Variants in TANC2 observed in about 807,000 individuals in gnomAD.
TANC2 encodes tetratricopeptide repeat, ankyrin repeat and coiled-coil containing 2.
Under a neutral mutation model 210.5 loss-of-function variants are expected in TANC2, and 26 were observed. The observed-to-expected ratio is 0.12, with a 90% CI of 0.09 to 0.17. The LOEUF (loss-of-function observed/expected upper bound fraction) is 0.17. Ranked by LOEUF, TANC2 falls within the 10% of genes least tolerant of loss-of-function variation. The probability of loss-of-function intolerance (pLI) is 1.00; values close to 1 mark genes in which losing one functional copy is unlikely to be tolerated. For missense variants in TANC2, 2,129 were observed against 2,608.9 expected, an observed-to-expected ratio of 0.82 and a Z score of 4.01; for synonymous variants, 931 against 967.1, an observed-to-expected ratio of 0.96 and a Z score of 0.69.
At chr17:63,057,871 G>T (rs982453532) in intron 2 of TANC2, among the ~76,000 whole-genome samples, 7 of 152,130 alleles carry the variant, frequency 4.6e-5, no homozygotes, top group Admixed American at 4.6e-4. Flanking sequence ...CTTTGTTATT[G>T]TGAACAGTGC....
At chr17:63,306,881 G>C (rs942345118) in intron 9 of TANC2, among the ~76,000 whole-genome samples, 1 of 152,140 alleles carries the variant, frequency 6.6e-6, no homozygotes. Flanking sequence ...TTGAGCCCAG[G>C]AATTTGAGGC....
intron 18 of TANC2, chr17:63,396,344 A>G (rs1359983764): frequency 5.9e-6 from 1 of 170,584 alleles, no homozygotes; most frequent in East Asian, 1.6e-4. Context: ...CCCTTGAACA[A>G]TTTACCTATC....
chr17:63,333,748 AT>A (rs1357811483), intron 11 of TANC2, among the ~76,000 whole-genome samples: 3 of 152,094 alleles, frequency 2.0e-5, no homozygotes, highest in Non-Finnish European at 4.4e-5. Flanking sequence ...AGCAAACTTT[AT>A]TGTCTTATTT....
At position 62,966,909 on chromosome 17, in the gene TANC2, C is replaced by T. The variant is rs908276053; in HGVS notation, c.-24+160C>T. On this transcript the variant is annotated intron_variant, in intron 1 of 27. Coordinates refer to ENST00000689528, the Ensembl canonical transcript of TANC2. The surrounding 1 kb of genome is among the most constrained non-coding windows in gnomAD (Gnocchi z 5.1). Reference sequence around the variant, plus strand: ...TCCAAGGCGTGGGGAAGGCTGGCTCCGAATATGACACCAAGGCGGGCTTCA... The same window carrying T: ...TCCAAGGCGTGGGGAAGGCTGGCTCTGAATATGACACCAAGGCGGGCTTCA... 4 of 152,174 alleles carry T rather than the reference C, an allele frequency of 2.6e-5. No individual in the cohort carries two copies. Among genetic ancestry groups the T allele is most frequent in the Non-Finnish European group, 5.9e-5 (4 of 68,100 alleles). 9.4% of individuals were successfully genotyped at this position (152,174 alleles called of 1,614,324 possible). A position where few individuals can be genotyped will look rare whatever the true frequency, so the allele number is the denominator to read the frequency against.
chr17:63,146,371 TG>T (rs2145359287), intron 4 of TANC2, among the ~76,000 whole-genome samples: 1 of 152,278 alleles, frequency 6.6e-6, no homozygotes, highest in Non-Finnish European at 1.5e-5. Context: ...CTTTCTACTT[TG>T]GATGCCTTGT....
chr17:63,145,706 TTGA>T, intron 4 of TANC2, among the ~76,000 whole-genome samples: 1 of 152,290 alleles, frequency 6.6e-6, no homozygotes, highest in East Asian at 1.9e-4. Flanking sequence ...TCAAAAATTA[TTGA>T]TGATACGGTT....
At chr17:63,332,893 A>G (rs945056700) in intron 11 of TANC2, among the ~76,000 whole-genome samples, 11 of 152,170 alleles carry the variant, frequency 7.2e-5, no homozygotes, top group Admixed American at 1.3e-4. Context: ...AAATGAAGCA[A>G]CAAAACCTGG....
chr17:63,162,478 G>C (rs191096617), intron 5 of TANC2, among the ~76,000 whole-genome samples: 66 of 152,250 alleles, frequency 4.3e-4, no homozygotes, highest in African/African-American at 1.5e-3. Flanking sequence ...ATAAATTTCA[G>C]TTTATTTTAA....
intron 11 of TANC2, chr17:63,332,451 C>G (rs1396921004): frequency 1.5e-5 from 6 of 393,798 alleles, no homozygotes; most frequent in Non-Finnish European, 3.0e-5. Context: ...ATAAAGGACT[C>G]AAAGTGAGTA....
intron 7 of TANC2, among the ~76,000 whole-genome samples, chr17:63,232,796 T>C (rs2042513659): frequency 6.6e-6 from 1 of 152,242 alleles, no homozygotes; most frequent in South Asian, 2.1e-4. Context: ...GGGGGTGCAC[T>C]GCACTGGGGG....
rs1282648406 is a variant in TANC2 at position 63,420,192 on chromosome 17, A to C, written c.4462A>C (p.Ile1488Leu). The C allele has an allele frequency of 1.3e-6, 2 of 1,595,516 alleles. No individual in the cohort carries two copies. The highest frequency in any genetic ancestry group is 2.3e-5 in the South Asian group (2 of 88,516). ...AGAACCTGAGCCACAGCATGAAGAC[A>C]TATACTCTGTACAGGATATATTCGA... The change falls in exon 28 of 28, where the codon ATA becomes CTA. Residue 1488 changes from isoleucine to leucine, a missense_variant. Coordinates refer to ENST00000689528, the Ensembl canonical transcript of TANC2. The surrounding 1 kb of genome is among the most constrained non-coding windows in gnomAD (Gnocchi z 4.2).
intron 21 of TANC2, among the ~76,000 whole-genome samples, chr17:63,407,742 C>T (rs904820180): frequency 1.3e-5 from 2 of 152,114 alleles, no homozygotes; most frequent in Non-Finnish European, 2.9e-5. Context: ...AGATAAATGC[C>T]TTAAAAAGCG....
intron 9 of TANC2, among the ~76,000 whole-genome samples, chr17:63,275,101 T>G (rs2146314020): frequency 6.6e-6 from 1 of 152,316 alleles, no homozygotes; most frequent in Middle Eastern, 3.4e-3. Context: ...TGACTTTGAA[T>G]GGTAGCTACG....
At chr17:63,206,822 G>A (rs147259792) in intron 7 of TANC2, among the ~76,000 whole-genome samples, 263 of 152,214 alleles carry the variant, frequency 1.7e-3, no homozygotes, top group Middle Eastern at 0.01. Context: ...ACAACATTGT[G>A]AATATACTTA....
chr17:63,097,192 C>G (rs1242189135), intron 3 of TANC2, among the ~76,000 whole-genome samples: 1 of 151,956 alleles, frequency 6.6e-6, no homozygotes, highest in Non-Finnish European at 1.5e-5. Flanking sequence ...AGGTACATGC[C>G]ACTGTACCTG....
chr17:63,220,295 A>AT (rs2042135108), intron 7 of TANC2, among the ~76,000 whole-genome samples: 1 of 151,752 alleles, frequency 6.6e-6, no homozygotes, highest in East Asian at 1.9e-4. Flanking sequence ...ACTCCGTCTC[A>AT]TAAAAAAAAA....
At chr17:63,262,284 A>G (rs768726903) in intron 8 of TANC2, among the ~76,000 whole-genome samples, 3 of 151,586 alleles carry the variant, frequency 2.0e-5, no homozygotes, top group Non-Finnish European at 2.9e-5. Context: ...GGCTCAAGCA[A>G]TTCTCTCACC....
Position 63,141,379 on chromosome 17 carries a change from T to TAAAAAAAAA in TANC2, c.323-9861_323-9853dup, listed in dbSNP as rs71155970. Among the ~76,000 whole-genome samples the TAAAAAAAAA allele has an allele frequency of 7.3e-4, 16 of 21,876 alleles. 3 individuals are homozygous for TAAAAAAAAA. The highest frequency in any genetic ancestry group is 4.0e-3 in the East Asian group (2 of 504). The allele number at this position is 21,876 out of a possible 152,430, so 14.4% of individuals were successfully genotyped here. A position where few individuals can be genotyped will look rare whatever the true frequency, so the allele number is the denominator to read the frequency against. The stretch of plus-strand genomic sequence containing the variant: ...CAACATGCTAAAACCCCGTTTCTAC[T>TAAAAAAAAA]AAAAAAAAAAAAAAAAAAAAAAAAA... On this transcript the variant is annotated intron_variant, in intron 4 of 27. Transcript: ENST00000689528.
At chr17:63,331,850 G>C (rs374640202) in intron 11 of TANC2, 133 of 155,126 alleles carry the variant, frequency 8.6e-4, no homozygotes, top group Non-Finnish European at 1.0e-3. Flanking sequence ...GTGTGTGTGT[G>C]TGTGTCTGTG....
Sources: allele counts gnomAD v4.1 joint callset (sites outside exome capture counted in the v4.1 genomes callset), GRCh38; gene constraint gnomAD v4.1.1; non-coding constraint Gnocchi (gnomAD v3.1); transcripts MANE v1.5; gene names NCBI Gene and HGNC (gene_info 2026-07-23, HGNC 2026-07-21).